Variants in ANKS1A observed in about 807,000 individuals in gnomAD.
ANKS1A encodes the protein ankyrin repeat and SAM domain-containing protein 1A.
A neutral mutation model predicts 120.3 loss-of-function variants in ANKS1A; 55 were observed. That is an observed-to-expected ratio of 0.46 (90% CI 0.37 to 0.57). The LOEUF is 0.57. ANKS1A is among the 20% of genes least tolerant of loss of function. The probability of loss-of-function intolerance (pLI) is 0.00; values close to 1 mark genes in which losing one functional copy is unlikely to be tolerated. For synonymous variants in ANKS1A, 590 were observed against 604.7 expected (o/e 0.98, Z 0.36); for missense variants, 1,123 against 1,480.3 (o/e 0.76, Z 3.96).
chr6:35,056,913 A>C (rs1284041781), intron 12 of ANKS1A, among the ~76,000 whole-genome samples: 1 of 151,884 alleles, frequency 6.6e-6, no homozygotes, highest in Non-Finnish European at 1.5e-5. Flanking sequence ...GATCTCAGGG[A>C]GTACTGTCTT....
intron 2 of ANKS1A, among the ~76,000 whole-genome samples, chr6:34,968,729 C>T (rs1169378837): frequency 2.0e-5 from 3 of 151,746 alleles, no homozygotes; most frequent in African/African-American, 4.8e-5. Context: ...TGAGCCACTG[C>T]GCCCGGCCAG....
intron 13 of ANKS1A, chr6:35,070,985 A>G (rs1250076661): frequency 8.1e-5 from 46 of 566,236 alleles, no homozygotes; most frequent in Admixed American, 2.7e-4. Context: ...CTCTCTGTCT[A>G]TTTTACAGAG....
rs1218684878 is a variant in ANKS1A at position 34,889,267 on chromosome 6, G to T, written c.-136G>T. 1.7e-6 allele frequency: 2 copies of T among 1,171,602 alleles called. No individual in the cohort carries two copies. Among genetic ancestry groups the T allele is most frequent in the South Asian group, 8.8e-5 (2 of 22,772 alleles). 72.6% of individuals were successfully genotyped at this position (1,171,602 alleles called of 1,614,324 possible). On this transcript the variant is annotated 5_prime_UTR_variant, in exon 1 of 24. Transcript: ENST00000360359. The surrounding 1 kb of genome is among the most constrained non-coding windows in gnomAD (Gnocchi z 5.5). ...GCCGGATCCCGGAAGTGACGCGCTC[G>T]TGGGGAAAAGGCAGGGAGGGGGTGG...
intron 23 of ANKS1A, 67 bp downstream of exon 23, chr6:35,087,116 A>G: frequency 1.3e-6 from 2 of 1,495,132 alleles, no homozygotes; most frequent in East Asian, 4.5e-5. Flanking sequence ...TGCCTTTGCC[A>G]TCCGATCTTT....
downstream of ANKS1A, chr6:35,091,510 C>A: frequency 1.2e-6 from 1 of 815,788 alleles, no homozygotes; most frequent in Non-Finnish European, 1.5e-6. Context: ...GATTCGCATC[C>A]TACACCGTTT....
In ANKS1A at chr6:35,085,615, G is replaced by C. The variant is rs1561969517; in HGVS notation, c.3133-151G>C. On this transcript the variant is annotated intron_variant, in intron 21 of 23. Coordinates refer to ENST00000360359, the MANE Select transcript of ANKS1A (RefSeq NM_015245.3). The surrounding 1 kb of genome is among the most constrained non-coding windows in gnomAD (Gnocchi z 4.7). ...GAAGAACAACAGAGACCTAGGAAGA[G>C]TAAAGGAGGGAAAGGAGGGAAGAGT... The C allele has an allele frequency of 3.1e-4, 78 of 248,040 alleles. 29 individuals carry two copies. Among genetic ancestry groups the C allele is most frequent in the South Asian group, 1.6e-3 (21 of 13,344 alleles). 15.4% of individuals were successfully genotyped at this position (248,040 alleles called of 1,614,324 possible). A position where few individuals can be genotyped will look rare whatever the true frequency, so the allele number is the denominator to read the frequency against.
chr6:35,044,721 C>T lies in ANKS1A; in HGVS notation c.2011-9378C>T, dbSNP rs1373484089. On this transcript the variant is annotated intron_variant, in intron 11 of 23. Transcript: ENST00000360359. This position sits in a 1 kb window ranked among gnomAD's most constrained non-coding sequence, Gnocchi z 4.4. ...GTTCTCTGCCAAAAGGAAGCCCTTT[C>T]CCTCTGGTGTATCTTTTAAAACAAA... 6.6e-6 allele frequency among the ~76,000 whole-genome samples: 1 copy of T among 152,250 alleles called. No homozygotes were observed. The highest frequency in any genetic ancestry group is 1.5e-5 in the Non-Finnish European group (1 of 68,048).
downstream of ANKS1A, among the ~76,000 whole-genome samples, chr6:35,095,001 C>T (rs1284134879): frequency 1.3e-5 from 2 of 151,318 alleles, no homozygotes; most frequent in Non-Finnish European, 2.9e-5. Flanking sequence ...ATTAGCTGGG[C>T]GTGATGGTGT....
chr6:35,048,940 C>T (rs904952861), intron 11 of ANKS1A, among the ~76,000 whole-genome samples: 2 of 152,212 alleles, frequency 1.3e-5, no homozygotes, highest in Non-Finnish European at 2.9e-5. Context: ...TGCCACTTTG[C>T]CCCCGTGCAG....
chr6:35,023,209 A>G (rs1774435124), intron 11 of ANKS1A, among the ~76,000 whole-genome samples: 1 of 152,118 alleles, frequency 6.6e-6, no homozygotes, highest in Non-Finnish European at 1.5e-5. Context: ...CCTCACTGTG[A>G]CTAGCTCCCC....
chr6:34,957,752 C>G (rs913334225), intron 1 of ANKS1A, among the ~76,000 whole-genome samples: 3 of 152,228 alleles, frequency 2.0e-5, no homozygotes, highest in Admixed American at 2.0e-4. Context: ...GGAGGAGACC[C>G]ACAGAGATGC....
At chr6:34,912,787 G>A (rs980880762) in intron 1 of ANKS1A, among the ~76,000 whole-genome samples, 2 of 152,176 alleles carry the variant, frequency 1.3e-5, no homozygotes, top group Admixed American at 6.5e-5. Flanking sequence ...ATTGAAAAGC[G>A]AAATTGATTT....
chr6:35,017,971 T>G lies in ANKS1A; in HGVS notation c.1922T>G (p.Met641Arg). The G allele has an allele frequency of 1.9e-6, 3 of 1,614,158 alleles. No individual in the cohort carries two copies. The highest frequency in any genetic ancestry group is 2.5e-6 in the Non-Finnish European group (3 of 1,180,016). Residue 641 changes from methionine to arginine, a missense_variant, in exon 11 of 24, where the codon ATG becomes AGG. Met to Arg is a moderately conservative substitution (Grantham distance 91, BLOSUM62 -1). Around this residue, in one of 3 missense-constraint regions of ANKS1A, gnomAD observed 904 missense variants for 1,130.4 expected, o/e 0.80. Transcript: ENST00000360359. ...LTCSPTEDAT[M>R]GSRSESLSNC... ...TGCTCACCCACAGAGGACGCTACCA[T>G]GGGGAGTCGGAGTGAGTCCTTATCC... is the stretch of plus-strand genomic sequence containing the variant.
In ANKS1A at chr6:35,058,591, A is replaced by C. The variant is rs144440343; in HGVS notation, c.2078-1556A>C. 3.1e-4 allele frequency: 47 copies of C among 152,440 alleles called. No homozygotes were observed. Among genetic ancestry groups the C allele is most frequent in the African/African-American group, 1.1e-3 (44 of 41,584 alleles). The allele number at this position is 152,440 out of a possible 1,614,324, so 9.4% of individuals were successfully genotyped here. A position where few individuals can be genotyped will look rare whatever the true frequency, so the allele number is the denominator to read the frequency against. On this transcript the variant is annotated intron_variant, in intron 12 of 23. Coordinates refer to ENST00000360359, the MANE Select transcript of ANKS1A (RefSeq NM_015245.3). This position sits in a 1 kb window ranked among gnomAD's most constrained non-coding sequence, Gnocchi z 5.1. ...GGTCACCAGGGTCTTGTAGATAACCAAGGAAGTTGGCATTGTCCTGCCCCA... is the reference window on the plus strand; with the variant it reads ...GGTCACCAGGGTCTTGTAGATAACCCAGGAAGTTGGCATTGTCCTGCCCCA...
intron 16 of ANKS1A, among the ~76,000 whole-genome samples, 160 bp from the exon 17 acceptor site, chr6:35,080,834 T>C (rs1421501193): frequency 1.3e-5 from 2 of 152,182 alleles, no homozygotes. Flanking sequence ...GGCTGCGTGG[T>C]GCCACCTGTC....
chr6:35,075,687 T>C (rs564292576), intron 13 of ANKS1A, among the ~76,000 whole-genome samples: 3 of 152,220 alleles, frequency 2.0e-5, no homozygotes, highest in Non-Finnish European at 4.4e-5. Context: ...GTGCTGGGAT[T>C]ACAGGCCGAG....
intron 10 of ANKS1A, among the ~76,000 whole-genome samples, chr6:35,000,791 G>C (rs1419004074): frequency 6.6e-6 from 1 of 152,032 alleles, no homozygotes; most frequent in African/African-American, 2.4e-5. Context: ...GGATTATAAG[G>C]AGGCATAAGA....
At chr6:35,073,551 CCCAAA>C (rs1777183702) in intron 13 of ANKS1A, among the ~76,000 whole-genome samples, 1 of 152,198 alleles carries the variant, frequency 6.6e-6, no homozygotes, top group South Asian at 2.1e-4. Context: ...AGGGACTGGA[CCCAAA>C]CCAGGCCAGG....
At chr6:35,066,584 AAG>A (rs898010422) in intron 13 of ANKS1A, among the ~76,000 whole-genome samples, 10 of 151,964 alleles carry the variant, frequency 6.6e-5, no homozygotes, top group Non-Finnish European at 1.3e-4. Flanking sequence ...TGAAACTGGG[AAG>A]AGTTTCCCAA....
Sources: gnomAD v4.1 joint callset for allele counts (sites outside exome capture counted in the v4.1 genomes callset) on GRCh38, gnomAD v4.1.1 for gene constraint, gnomAD v4.1.1 regional missense constraint, Gnocchi (gnomAD v3.1) non-coding constraint, MANE v1.5 for transcripts, NCBI Gene and HGNC (gene_info 2026-07-23, HGNC 2026-07-21) for gene names.